POTEH: variants seen among roughly 807,000 people sequenced by gnomAD.
POTEH encodes ANKRD26-like family C member 3.
A neutral mutation model predicts 41.7 loss-of-function variants in POTEH; 6 were observed. The observed-to-expected ratio is 0.14, with a 90% CI of 0.08 to 0.28. The LOEUF is 0.28. Among genes scored for constraint, POTEH ranks in the 10% least tolerant of loss-of-function variants. POTEH has a pLI of 1.00. For synonymous variants in POTEH, 38 were observed against 179.9 expected (o/e 0.21, Z 6.31); for missense variants, 115 against 533.5 (o/e 0.22, Z 7.73).
chr22:15,713,198 C>T (rs1465969020), intron 9 of POTEH, among the ~76,000 whole-genome samples: 1 of 152,284 alleles, frequency 6.6e-6, no homozygotes, highest in African/African-American at 2.4e-5. Context: ...GCCAGTAAGT[C>T]TTCAATTTCA....
At chr22:15,692,008 A>ATATATATATATAT (rs1192187472) in intron 1 of POTEH, among the ~76,000 whole-genome samples, 3 of 115,542 alleles carry the variant, frequency 2.6e-5, no homozygotes, top group Non-Finnish European at 3.9e-5. Context: ...ATATATATAT[A>ATATATATATATAT]AATTTCTTTT....
rs372548924 is a variant in POTEH at position 15,690,722 on chromosome 22, G to A, written c.632+13G>A. On this transcript the variant is annotated intron_variant, in intron 1 of 10. Transcript: ENST00000343518. ...ACAAGCAAAAGAGGTAACCAGGCCT[G>A]GGCTGGGAGGAGGTGGGATGTGGGA... is the stretch of plus-strand genomic sequence containing the variant. 1.1e-4 allele frequency: 154 copies of A among 1,402,198 alleles called. 1 individual carries two copies. The African/African-American group carries it at 2.1e-3, about 19-fold the overall frequency. The allele number at this position is 1,402,198 out of a possible 1,614,324, so 86.9% of individuals were successfully genotyped here.
At chr22:15,708,445 G>T (rs1222731790) in intron 7 of POTEH, among the ~76,000 whole-genome samples, 1 of 54,376 alleles carries the variant, frequency 1.8e-5, no homozygotes, top group Non-Finnish European at 3.3e-5. Context: ...AACCTGGGGG[G>T]TGGAGCTTGC....
chr22:15,690,779 A>C, intron 1 of POTEH, 70 bp downstream of exon 1: 1 of 1,388,568 alleles, frequency 7.2e-7, no homozygotes, highest in Non-Finnish European at 1.0e-6. Flanking sequence ...CTGGCCGGGG[A>C]GGAGGGGAGC....
At chr22:15,690,737 G>A (rs200338924) in intron 1 of POTEH, 28 bp downstream of exon 1, 28,268 of 1,381,180 alleles carry the variant, frequency 0.02, 3,926 homozygotes, top group South Asian at 0.047. Context: ...GGGAGGAGGT[G>A]GGATGTGGGA....
chr22:15,710,272 T>A (rs1456281213), intron 8 of POTEH, among the ~76,000 whole-genome samples: 1 of 152,416 alleles, frequency 6.6e-6, no homozygotes, highest in Admixed American at 6.5e-5. Flanking sequence ...GCTCCTTATG[T>A]TGTGGGAAAC....
intron 1 of POTEH, among the ~76,000 whole-genome samples, chr22:15,691,987 T>G (rs1989328515): frequency 8.1e-5 from 1 of 12,376 alleles, no homozygotes; most frequent in African/African-American, 4.5e-4. Flanking sequence ...TGCAGATACA[T>G]ATATATATAT....
chr22:15,690,335 C>T lies in POTEH; in HGVS notation c.258C>T (p.His86=), dbSNP rs370869918. The change falls in exon 1 of 11, where the codon CAC becomes CAT. Residue 86 remains histidine (H), a synonymous_variant. Coordinates refer to ENST00000343518, the MANE Select transcript of POTEH (RefSeq NM_001136213.1). ...GCAACGTGGGCACTTCTGGAGACCA[C>T]GACGATTCTGCTATGAAGACACTCA... The part of the protein sequence containing the change: ...GKSNVGTSGD[H]DDSAMKTLRS... 1.6e-5 allele frequency: 22 copies of T among 1,400,326 alleles called. No homozygotes were observed. The highest frequency in any genetic ancestry group is 9.2e-5 in the East Asian group (4 of 43,382). 86.7% of individuals were successfully genotyped at this position (1,400,326 alleles called of 1,614,324 possible).
In POTEH at chr22:15,696,039, C is replaced by CT. The variant is rs1342685197; in HGVS notation, c.921+229dup. Among the ~76,000 whole-genome samples the CT allele has an allele frequency of 5.3e-5, 3 of 57,022 alleles. 1 individual carries two copies. The highest frequency in any genetic ancestry group is 1.1e-4 in the Non-Finnish European group (3 of 26,702). The allele number at this position is 57,022 out of a possible 152,430, so 37.4% of individuals were successfully genotyped here. On this transcript the variant is annotated intron_variant, in intron 3 of 10. Coordinates refer to ENST00000343518, the MANE Select transcript of POTEH (RefSeq NM_001136213.1). ...TTTTTTAATGCACTTGCGGTAAATA[C>CT]TTTTTTTTGAAAACACTGAATTTGT...
rs1397855436 is a variant in POTEH, at chr22:15,717,132, T to C, written c.1521-2528T>C. Among the ~76,000 whole-genome samples, 4 of 91,400 alleles carry C rather than the reference T, an allele frequency of 4.4e-5. 1 individual carries two copies. The highest frequency in any genetic ancestry group is 1.4e-4 in the African/African-American group (4 of 29,548). 60.0% of individuals were successfully genotyped at this position (91,400 alleles called of 152,430 possible). On this transcript the variant is annotated intron_variant, in intron 9 of 10. Transcript: ENST00000343518. ...TATACACACATACGTATATGTGATA[T>C]ATATATATGTGATGTGAGATATATA...
intron 9 of POTEH, among the ~76,000 whole-genome samples, chr22:15,711,342 A>C (rs1397067026): frequency 2.0e-5 from 3 of 152,082 alleles, no homozygotes; most frequent in Non-Finnish European, 2.9e-5. Flanking sequence ...AGATTATTTC[A>C]TCAGCCACAT....
chr22:15,713,589 T>G (rs1989865664), intron 9 of POTEH, among the ~76,000 whole-genome samples: 1 of 152,286 alleles, frequency 6.6e-6, no homozygotes, highest in African/African-American at 2.4e-5. Context: ...AACCTCTGCC[T>G]CCTGGCTTCC....
chr22:15,690,302 C>G lies in POTEH; in HGVS notation c.225C>G (p.Ser75Arg), dbSNP rs201321237. 1 of 1,317,586 alleles carries G rather than the reference C, an allele frequency of 7.6e-7. No individual in the cohort carries two copies. Among genetic ancestry groups the G allele is most frequent in the Non-Finnish European group, 1.0e-6 (1 of 981,246 alleles). 81.6% of individuals were successfully genotyped at this position (1,317,586 alleles called of 1,614,324 possible). ...ACTGCTTCCCCTGGTGCAGGGGGAGCGGCAAGAGCAACGTGGGCACTTCTG... is the reference window on the plus strand; with the variant it reads ...ACTGCTTCCCCTGGTGCAGGGGGAGGGGCAAGAGCAACGTGGGCACTTCTG... Reference protein sequence around the residue: ...CCHCFPWCRGSGKSNVGTSGD... With the variant: ...CCHCFPWCRGRGKSNVGTSGD... Residue 75 changes from serine to arginine, a missense_variant, in exon 1 of 11, where the codon AGC (serine) becomes AGG (arginine). Physicochemically the swap from Ser to Arg is moderately radical, Grantham distance 110. Coordinates refer to ENST00000343518, the MANE Select transcript of POTEH (RefSeq NM_001136213.1).
intron 1 of POTEH, among the ~76,000 whole-genome samples, chr22:15,694,685 T>C (rs1420092039): frequency 7.1e-6 from 1 of 141,058 alleles, no homozygotes; most frequent in Non-Finnish European, 1.6e-5. Context: ...TTCTACTTAA[T>C]GTAAGGCACC....
intron 9 of POTEH, among the ~76,000 whole-genome samples, chr22:15,713,913 T>C (rs1989873764): frequency 1.3e-5 from 2 of 152,152 alleles, no homozygotes; most frequent in Admixed American, 1.3e-4. Context: ...TTGACAGGCC[T>C]AGCCTATCAG....
chr22:15,692,070 A>G (rs1476232838), intron 1 of POTEH, among the ~76,000 whole-genome samples: 1 of 137,196 alleles, frequency 7.3e-6, no homozygotes, highest in Non-Finnish European at 1.6e-5. Context: ...CAGTGGTGCG[A>G]TCTCAGCTCA....
chr22:15,703,857 C>T (rs571760221), intron 6 of POTEH, among the ~76,000 whole-genome samples: 2 of 143,824 alleles, frequency 1.4e-5, no homozygotes, highest in East Asian at 4.5e-4. Context: ...CATTTCTGTG[C>T]TTTTTCAACA....
At chr22:15,691,469 T>A (rs1178259587) in intron 1 of POTEH, among the ~76,000 whole-genome samples, 2 of 114,596 alleles carry the variant, frequency 1.7e-5, no homozygotes, top group Non-Finnish European at 3.7e-5. Context: ...GAGCTTGCAG[T>A]GAGCCGAGAT....
At chr22:15,714,638 C>G (rs1989896025) in intron 9 of POTEH, among the ~76,000 whole-genome samples, 1 of 151,424 alleles carries the variant, frequency 6.6e-6, no homozygotes, top group South Asian at 2.1e-4. Flanking sequence ...TTAAAATCCC[C>G]TTTCTAAGAA....
Sources: gnomAD v4.1 joint callset for allele counts (sites outside exome capture counted in the v4.1 genomes callset) on GRCh38, gnomAD v4.1.1 for gene constraint, MANE v1.5 for transcripts, NCBI Gene and HGNC (gene_info 2026-07-23, HGNC 2026-07-21) for gene names.